Variants in TECR observed in about 807,000 individuals in gnomAD.
TECR encodes trans-2,3-enoyl-CoA reductase.
In TECR, 19 loss-of-function variants were observed where a neutral mutation model predicts 50.6. That is an observed-to-expected ratio of 0.38 (90% confidence interval 0.26 to 0.55). The LOEUF is 0.55. TECR is among the 20% of genes least tolerant of loss of function. The pLI, the probability that TECR is intolerant of heterozygous loss-of-function variation, is 0.79. For missense variants in TECR, 313 were observed against 408.3 expected (o/e 0.77, Z 2.01); for synonymous variants, 168 against 163.5 (o/e 1.03, Z -0.21).
chr19:14,547,139 AT>A (rs1309565477), intron 1 of TECR, among the ~76,000 whole-genome samples: 1 of 152,184 alleles, frequency 6.6e-6, no homozygotes, highest in African/African-American at 2.4e-5. Context: ...TAAAGAGCTT[AT>A]TCATAGCCTC....
At chr19:14,540,649 C>T (rs986019126) in intron 1 of TECR, among the ~76,000 whole-genome samples, 1 of 152,096 alleles carries the variant, frequency 6.6e-6, no homozygotes, top group Non-Finnish European at 1.5e-5. Flanking sequence ...GCCTGGGCCT[C>T]CCAAAGTGCT....
At chr19:14,558,376 C>T (rs1159278516) in intron 1 of TECR, among the ~76,000 whole-genome samples, 1 of 152,220 alleles carries the variant, frequency 6.6e-6, no homozygotes, top group East Asian at 1.9e-4. Context: ...GCACTCCCCT[C>T]TGGGCTTGGG....
chr19:14,543,417 ATATTTTTTTTTTTTTTTTTTTTT>A (rs2073188967), intron 1 of TECR, among the ~76,000 whole-genome samples: 1 of 9,990 alleles, frequency 1.0e-4, no homozygotes, highest in Non-Finnish European at 2.0e-4. Context: ...ATATATATAT[ATATTTTTTTTTTTTTTTTTTTTT>A]TTTTTTTTTT....
At chr19:14,552,971 C>T (rs557713549) in intron 1 of TECR, among the ~76,000 whole-genome samples, 2 of 152,210 alleles carry the variant, frequency 1.3e-5, no homozygotes, top group East Asian at 1.9e-4. Flanking sequence ...TGGGCCAGTG[C>T]TCCTCGGAGG....
intron 1 of TECR, chr19:14,532,111 G>C (rs2072693884): frequency 6.6e-6 from 1 of 151,970 alleles, no homozygotes; most frequent in Non-Finnish European, 1.5e-5. Context: ...AGTTTTGCTA[G>C]TTAACAGTCA....
At chr19:14,550,309 C>G (rs1030518244) in intron 1 of TECR, among the ~76,000 whole-genome samples, 1 of 152,062 alleles carries the variant, frequency 6.6e-6, no homozygotes, top group Admixed American at 6.6e-5. Context: ...TAGCTGCCGC[C>G]GCGTGTATAA....
chr19:14,543,453 T>C (rs1164506879), intron 1 of TECR, among the ~76,000 whole-genome samples: 1 of 70,532 alleles, frequency 1.4e-5, no homozygotes, highest in Non-Finnish European at 2.7e-5. Flanking sequence ...TTTTTTTTTT[T>C]TTTGAGACGG....
chr19:14,532,478 A>G (rs1165438577), intron 1 of TECR: 1 of 139,566 alleles, frequency 7.2e-6, no homozygotes, highest in Non-Finnish European at 1.5e-5. Flanking sequence ...ATGCCACTGT[A>G]CTCCAGCCTG....
chr19:14,549,761 G>A (rs902120642), intron 1 of TECR, among the ~76,000 whole-genome samples: 1 of 151,936 alleles, frequency 6.6e-6, no homozygotes, highest in Non-Finnish European at 1.5e-5. Context: ...TGACCAACAT[G>A]GTGAAACCCC....
chr19:14,542,894 G>C (rs1010914950), intron 1 of TECR, among the ~76,000 whole-genome samples: 16 of 152,064 alleles, frequency 1.1e-4, no homozygotes, highest in Non-Finnish European at 1.9e-4. Flanking sequence ...GTCCCTGCTC[G>C]AATCAGGCTC....
At chr19:14,535,295 C>T (rs1185159038) in intron 1 of TECR, among the ~76,000 whole-genome samples, 1 of 151,186 alleles carries the variant, frequency 6.6e-6, no homozygotes, top group Middle Eastern at 3.2e-3. Flanking sequence ...ATCACGAGGC[C>T]AGGAGATCGA....
At chr19:14,552,952 C>T (rs777603782) in intron 1 of TECR, among the ~76,000 whole-genome samples, 8 of 152,070 alleles carry the variant, frequency 5.3e-5, no homozygotes, top group African/African-American at 1.2e-4. Context: ...AGATCAGCGT[C>T]GCTCTGGGTG....
chr19:14,530,121 A>C, intron 1 of TECR: 1 of 302,402 alleles, frequency 3.3e-6, no homozygotes, highest in Non-Finnish European at 6.5e-6. Flanking sequence ...CTTTGCTATC[A>C]GTATTCTTGT....
At chr19:14,544,974 C>T in intron 1 of TECR, 1 of 399,444 alleles carries the variant, frequency 2.5e-6, no homozygotes, top group Admixed American at 2.8e-5. Flanking sequence ...AATCTAGGAA[C>T]TGCGGTGTCC....
intron 1 of TECR, 47 bp from the exon 2 acceptor site, chr19:14,562,478 C>T (rs897709252): frequency 1.2e-6 from 2 of 1,612,866 alleles, no homozygotes; most frequent in African/African-American, 2.7e-5. Context: ...AGGCCCACAC[C>T]CCCAAAGGTG....
Position 14,530,020 on chromosome 19 carries a change from G to A in TECR, c.15+309G>A. The A allele has an allele frequency of 5.9e-6, 3 of 510,026 alleles. No individual in the cohort carries two copies. In the East Asian group the frequency reaches 1.0e-4, roughly 18 times the overall value. The allele number at this position is 510,026 out of a possible 1,614,324, so 31.6% of individuals were successfully genotyped here. A position where few individuals can be genotyped will look rare whatever the true frequency, so the allele number is the denominator to read the frequency against. The stretch of plus-strand genomic sequence containing the variant: ...GGGCTGAGTTGCAGACTTTGTCATG[G>A]GAGCCACGAAGGTGCGGGACCCTTG... On this transcript the variant is annotated intron_variant, in intron 1 of 12. Transcript: ENST00000215567.
intron 1 of TECR, among the ~76,000 whole-genome samples, chr19:14,550,336 C>T (rs1485241021): frequency 6.6e-6 from 1 of 152,132 alleles, no homozygotes; most frequent in Non-Finnish European, 1.5e-5. Flanking sequence ...CCACGTAGAT[C>T]CCAGTCTAGG....
intron 1 of TECR, among the ~76,000 whole-genome samples, chr19:14,536,985 C>CGAG (rs1444826594): frequency 3.8e-5 from 2 of 52,482 alleles, no homozygotes; most frequent in African/African-American, 8.1e-5. Context: ...GGGGCGGGGC[C>CGAG]GAGGAGGAGG....
intron 1 of TECR, among the ~76,000 whole-genome samples, chr19:14,558,612 GC>G (rs769758031): frequency 6.6e-6 from 1 of 152,174 alleles, no homozygotes; most frequent in Non-Finnish European, 1.5e-5. Context: ...CAGAGTGCCT[GC>G]CTGTCTGCCC....
Sources: allele counts gnomAD v4.1 joint callset (sites outside exome capture counted in the v4.1 genomes callset), GRCh38; gene constraint gnomAD v4.1.1; transcripts MANE v1.5; gene names NCBI Gene and HGNC (gene_info 2026-07-23, HGNC 2026-07-21).